ZEB1: variants seen among roughly 807,000 people sequenced by gnomAD.
ZEB1 encodes the protein zinc finger E-box binding homeobox 1.
ZEB1 carries 21 observed loss-of-function variants against 84.9 expected under a neutral mutation model. That is an observed-to-expected ratio of 0.25 (90% CI 0.18 to 0.36). The LOEUF is 0.36. ZEB1 is among the 10% of genes least tolerant of loss of function. ZEB1 has a pLI of 1.00. For missense variants in ZEB1, 1,104 were observed against 1,330.2 expected (o/e 0.83, Z 2.65); for synonymous variants, 420 against 471.1 (o/e 0.89, Z 1.41).
chr10:31,409,205 C>T (rs1232108510), intron 1 of ZEB1, among the ~76,000 whole-genome samples: 1 of 152,172 alleles, frequency 6.6e-6, no homozygotes, highest in African/African-American at 2.4e-5. Flanking sequence ...GATACCATTT[C>T]ACACCAGTTA....
At chr10:31,465,518 C>CTTGAAAAG (rs1308060063) in intron 2 of ZEB1, among the ~76,000 whole-genome samples, 1 of 151,678 alleles carries the variant, frequency 6.6e-6, no homozygotes, top group Non-Finnish European at 1.5e-5. Context: ...GCACTTAAAA[C>CTTGAAAAG]TTTTCAGAAA....
chr10:31,356,085 G>C lies in ZEB1; in HGVS notation c.58+36793G>C, dbSNP rs573355811. On this transcript the variant is annotated intron_variant, in intron 1 of 8. Coordinates refer to ENST00000424869, the MANE Select transcript of ZEB1 (RefSeq NM_001174096.2). The stretch of plus-strand genomic sequence containing the variant: ...TAAAACTATTAATAGTATTGTTATT[G>C]TTCCACCTATAGAATCTGATTATAA... 3.9e-5 allele frequency among the ~76,000 whole-genome samples: 6 copies of C among 152,174 alleles called. No individual in the cohort carries two copies. In the East Asian group the frequency reaches 7.7e-4, roughly 20 times the overall value.
intron 1 of ZEB1, among the ~76,000 whole-genome samples, chr10:31,342,549 G>A (rs1401472880): frequency 6.6e-6 from 1 of 152,072 alleles, no homozygotes; most frequent in African/African-American, 2.4e-5. Flanking sequence ...CTCTGTAGGC[G>A]TCGATGTAGA....
intron 1 of ZEB1, among the ~76,000 whole-genome samples, chr10:31,333,877 C>T (rs1302772568): frequency 1.3e-5 from 2 of 151,978 alleles, no homozygotes; most frequent in Admixed American, 6.6e-5. Flanking sequence ...ATATTCCTGA[C>T]ACTACTAACC....
At chr10:31,454,945 A>G (rs1184206755) in intron 1 of ZEB1, among the ~76,000 whole-genome samples, 1 of 152,308 alleles carries the variant, frequency 6.6e-6, no homozygotes, top group East Asian at 1.9e-4. Context: ...AAAAGAGCCC[A>G]CATAGCCAAG....
intron 1 of ZEB1, among the ~76,000 whole-genome samples, chr10:31,349,348 T>C (rs960402615): frequency 4.6e-5 from 7 of 152,228 alleles, no homozygotes; most frequent in African/African-American, 1.7e-4. Context: ...TGATTCCATA[T>C]CCTGGCTCTT....
At chr10:31,375,570 A>G (rs898510711) in intron 1 of ZEB1, among the ~76,000 whole-genome samples, 2 of 151,838 alleles carry the variant, frequency 1.3e-5, no homozygotes, top group African/African-American at 4.8e-5. Flanking sequence ...ACTTCTTTCT[A>G]AAACAAAATT....
At chr10:31,425,742 C>T (rs2056844730) in intron 1 of ZEB1, among the ~76,000 whole-genome samples, 1 of 151,924 alleles carries the variant, frequency 6.6e-6, no homozygotes, top group South Asian at 2.1e-4. Context: ...CTCTTGATTT[C>T]CTCTTGTCTT....
At chr10:31,387,213 G>T in intron 1 of ZEB1, 1 of 985,870 alleles carries the variant, frequency 1.0e-6, no homozygotes, top group African/African-American at 1.7e-5. Flanking sequence ...TGTTCTTGGA[G>T]GTGTGGGGTG....
chr10:31,527,470 G>T lies in ZEB1; in HGVS notation c.*206G>T. On this transcript the variant is annotated 3_prime_UTR_variant, in exon 9 of 9. Coordinates refer to ENST00000424869, the MANE Select transcript of ZEB1 (RefSeq NM_001174096.2). ...ACACACACAAAATAAATCCGGGTGT[G>T]CCTGAACCTCAGACCTAGTAATTTT... The T allele has an allele frequency of 1.5e-6, 1 of 663,988 alleles. No individual in the cohort carries two copies. Among genetic ancestry groups the T allele is most frequent in the Non-Finnish European group, 2.4e-6 (1 of 411,808 alleles). 41.1% of individuals were successfully genotyped at this position (663,988 alleles called of 1,614,324 possible).
chr10:31,399,714 A>C (rs1021918448), intron 1 of ZEB1, among the ~76,000 whole-genome samples: 4 of 152,152 alleles, frequency 2.6e-5, no homozygotes, highest in Non-Finnish European at 4.4e-5. Flanking sequence ...CACTCTTTTG[A>C]TGAAAATCCT....
At chr10:31,509,049 G>A (rs1449237930) in intron 4 of ZEB1, among the ~76,000 whole-genome samples, 1 of 152,150 alleles carries the variant, frequency 6.6e-6, no homozygotes, top group Non-Finnish European at 1.5e-5. Flanking sequence ...CACTGCCAAT[G>A]GCTTGCACTT....
intron 2 of ZEB1, among the ~76,000 whole-genome samples, chr10:31,489,404 T>A (rs74361114): frequency 0.011 from 1,605 of 151,500 alleles, 28 homozygotes; most frequent in African/African-American, 0.037. Flanking sequence ...GGGGATTTTT[T>A]TTATTATTTT....
chr10:31,492,209 C>A (rs552867286), intron 2 of ZEB1, among the ~76,000 whole-genome samples: 1 of 151,914 alleles, frequency 6.6e-6, no homozygotes, highest in South Asian at 2.1e-4. Flanking sequence ...TGACTTAAGA[C>A]TTTTCAACTT....
chr10:31,474,467 T>C (rs939216870), intron 2 of ZEB1, among the ~76,000 whole-genome samples: 22 of 152,158 alleles, frequency 1.4e-4, no homozygotes, highest in Non-Finnish European at 2.5e-4. Flanking sequence ...AAAATGCTCA[T>C]CATCACTGGC....
intron 1 of ZEB1, among the ~76,000 whole-genome samples, chr10:31,332,918 C>A (rs919923516): frequency 1.3e-5 from 2 of 152,116 alleles, no homozygotes; most frequent in Admixed American, 1.3e-4. Context: ...AACCTCATTT[C>A]ATTAGTATTT....
intron 1 of ZEB1, among the ~76,000 whole-genome samples, chr10:31,443,381 G>C (rs1049269718): frequency 6.0e-5 from 9 of 150,400 alleles, no homozygotes; most frequent in Non-Finnish European, 1.2e-4. Context: ...TCTTATTCCA[G>C]GTTTGTAAAA....
intron 1 of ZEB1, 100 bp downstream of exon 1, chr10:31,319,392 G>A (rs2033057208): frequency 8.1e-7 from 1 of 1,228,168 alleles, no homozygotes; most frequent in Non-Finnish European, 1.2e-6. Context: ...GGGGGCAGCC[G>A]GGGCAGGGAC....
intron 6 of ZEB1, among the ~76,000 whole-genome samples, chr10:31,514,961 G>C (rs1346458392): frequency 6.6e-6 from 1 of 151,968 alleles, no homozygotes; most frequent in East Asian, 1.9e-4. Context: ...GTTTTAGTAA[G>C]TACAACCTGA....
Sources: allele counts gnomAD v4.1 joint callset (sites outside exome capture counted in the v4.1 genomes callset), GRCh38; gene constraint gnomAD v4.1.1; transcripts MANE v1.5; gene names NCBI Gene and HGNC (gene_info 2026-07-23, HGNC 2026-07-21).